The following PPARGC1A variants were observed in gnomAD, a reference collection of about 807,000 sequenced individuals.
PPARGC1A encodes the protein peroxisome proliferator-activated receptor gamma coactivator 1-alpha.
Under a neutral mutation model 88.7 loss-of-function variants are expected in PPARGC1A, and 25 were observed. The observed-to-expected ratio is 0.28, with a 90% CI of 0.21 to 0.39. The LOEUF (loss-of-function observed/expected upper bound fraction) is 0.39. PPARGC1A is among the 10% of genes least tolerant of loss of function. The pLI, the probability that PPARGC1A is intolerant of heterozygous loss-of-function variation, is 1.00. For synonymous variants in PPARGC1A, 363 were observed against 355.6 expected, an observed-to-expected ratio of 1.02 and a Z score of -0.24; for missense variants, 880 against 968.7, an observed-to-expected ratio of 0.91 and a Z score of 1.22.
At chr4:24,352,323 G>A in the PPARGC1A span, among the ~76,000 whole-genome samples, 1 of 152,172 alleles carries the variant, frequency 6.6e-6, no homozygotes, top group African/African-American at 2.4e-5. Context: ...TCCCCTGTCA[G>A]AAGCCAGGTG....
intron 2 of PPARGC1A, among the ~76,000 whole-genome samples, chr4:23,872,927 C>G (rs1713727753): frequency 6.6e-6 from 1 of 152,096 alleles, no homozygotes; most frequent in South Asian, 2.1e-4. Flanking sequence ...TGCAGTGGCT[C>G]ACACCTGTAA....
chr4:23,844,426 T>A (rs1318353160), intron 2 of PPARGC1A, among the ~76,000 whole-genome samples: 8 of 127,868 alleles, frequency 6.3e-5, no homozygotes, highest in African/African-American at 2.4e-4. Context: ...TATAATATAT[T>A]ATATATATTA....
the PPARGC1A span, chr4:24,091,489 A>T: frequency 2.3e-5 from 23 of 985,346 alleles, no homozygotes; most frequent in East Asian, 2.3e-3. Flanking sequence ...CTTCTCGCTG[A>T]AGTACTTTTT....
rs533518961 is a variant in PPARGC1A, at chr4:23,808,071, G to A, written c.2019+4676C>T. Among the ~76,000 whole-genome samples, 3 of 152,088 alleles carry A rather than the reference G, an allele frequency of 2.0e-5. No individual in the cohort carries two copies. The South Asian group carries it at 6.2e-4, about 32-fold the overall frequency. On this transcript the variant is annotated intron_variant, in intron 10 of 12. Transcript: ENST00000264867. Reference sequence around the variant, plus strand: ...TTGAGACCAGCCTGGCCAACACGGTGAAACCCCGTCTCTACTAAAAATACA... The same window carrying A: ...TTGAGACCAGCCTGGCCAACACGGTAAAACCCCGTCTCTACTAAAAATACA...
At chr4:23,849,016 C>T (rs541637264) in intron 2 of PPARGC1A, among the ~76,000 whole-genome samples, 97 of 152,182 alleles carry the variant, frequency 6.4e-4, no homozygotes, top group African/African-American at 1.9e-3. Flanking sequence ...TGGTAGCGGG[C>T]GCCTGTACTC....
the PPARGC1A span, among the ~76,000 whole-genome samples, chr4:24,142,525 T>C: frequency 6.6e-6 from 1 of 151,836 alleles, no homozygotes; most frequent in African/African-American, 2.4e-5. Context: ...AATACAAAAA[T>C]GAGTCAGGTG....
At chr4:24,270,041 A>G in the PPARGC1A span, among the ~76,000 whole-genome samples, 1 of 152,190 alleles carries the variant, frequency 6.6e-6, no homozygotes, top group Non-Finnish European at 1.5e-5. Context: ...TAACATTTGA[A>G]TCAGTAGACT....
chr4:24,270,362 T>C, the PPARGC1A span, among the ~76,000 whole-genome samples: 2 of 130,584 alleles, frequency 1.5e-5, no homozygotes, highest in East Asian at 5.3e-4. Flanking sequence ...TGTGTATGTG[T>C]GTAAAATCGG....
At chr4:24,221,494 A>C in the PPARGC1A span, among the ~76,000 whole-genome samples, 2 of 152,224 alleles carry the variant, frequency 1.3e-5, no homozygotes, top group Non-Finnish European at 2.9e-5. Context: ...TAGTCATTCA[A>C]CTGAATTAAC....
At chr4:24,098,242 G>A in the PPARGC1A span, among the ~76,000 whole-genome samples, 1 of 152,174 alleles carries the variant, frequency 6.6e-6, no homozygotes, top group Non-Finnish European at 1.5e-5. Flanking sequence ...GTTACTTTAA[G>A]GCTATGGCTT....
chr4:23,937,577 C>T, the PPARGC1A span, among the ~76,000 whole-genome samples: 101 of 152,140 alleles, frequency 6.6e-4, no homozygotes, highest in African/African-American at 2.3e-3. Flanking sequence ...ATTTTGTTGA[C>T]TCCTTTCAAC....
chr4:24,182,397 T>C, the PPARGC1A span, among the ~76,000 whole-genome samples: 3 of 152,216 alleles, frequency 2.0e-5, no homozygotes, highest in African/African-American at 7.2e-5. Context: ...CTGTCTATCA[T>C]TAATGGGCAT....
intron 2 of PPARGC1A, chr4:23,883,085 C>G (rs568569907): frequency 1.3e-5 from 2 of 152,146 alleles, no homozygotes; most frequent in Non-Finnish European, 2.9e-5. Flanking sequence ...TGTAACTTGA[C>G]AAGTGTACTG....
chr4:24,376,599 T>C, the PPARGC1A span, among the ~76,000 whole-genome samples: 2 of 152,240 alleles, frequency 1.3e-5, no homozygotes, highest in African/African-American at 4.8e-5. Context: ...CACTGATCTT[T>C]CCGTTGTCAT....
the PPARGC1A span, among the ~76,000 whole-genome samples, chr4:24,116,739 C>T: frequency 6.6e-6 from 1 of 152,268 alleles, no homozygotes; most frequent in African/African-American, 2.4e-5. Context: ...AGAATCATGG[C>T]TTCTATTTAA....
At chr4:24,409,300 TAAG>T in the PPARGC1A span, among the ~76,000 whole-genome samples, 4 of 152,328 alleles carry the variant, frequency 2.6e-5, no homozygotes, top group Admixed American at 6.5e-5. Flanking sequence ...TGTCCATCTT[TAAG>T]AAGACAGTAA....
chr4:24,208,942 G>C, the PPARGC1A span, among the ~76,000 whole-genome samples: 1 of 151,996 alleles, frequency 6.6e-6, no homozygotes, highest in East Asian at 1.9e-4. Flanking sequence ...TTGTTCAAAG[G>C]TCACAGATAA....
At chr4:23,982,404 GACA>G in the PPARGC1A span, among the ~76,000 whole-genome samples, 2 of 152,028 alleles carry the variant, frequency 1.3e-5, no homozygotes, top group Non-Finnish European at 2.9e-5. Flanking sequence ...CGAAAAATAA[GACA>G]ACGTCATGGC....
chr4:24,426,390 A>G, the PPARGC1A span, among the ~76,000 whole-genome samples: 16 of 152,352 alleles, frequency 1.1e-4, no homozygotes, highest in South Asian at 3.1e-3. Flanking sequence ...AATAAACTTC[A>G]ATCTCCTTGA....
Sources: gnomAD v4.1 joint callset for allele counts (sites outside exome capture counted in the v4.1 genomes callset) on GRCh38, gnomAD v4.1.1 for gene constraint, MANE v1.5 for transcripts, NCBI Gene and HGNC (gene_info 2026-07-23, HGNC 2026-07-21) for gene names.